Variants in POLR2B observed in about 807,000 individuals in gnomAD.
POLR2B encodes the protein DNA-directed RNA polymerase II subunit RPB2.
A neutral mutation model predicts 144.6 loss-of-function variants in POLR2B; 57 were observed. That is an observed-to-expected ratio of 0.39 (90% confidence interval 0.32 to 0.49). The LOEUF (loss-of-function observed/expected upper bound fraction) is 0.49, where lower values mean the gene tolerates loss of function less well. Among genes scored for constraint, POLR2B ranks in the 20% least tolerant of loss-of-function variants. The pLI, the probability that POLR2B is intolerant of heterozygous loss-of-function variation, is 0.83. For synonymous variants in POLR2B, 442 were observed against 469.8 expected (o/e 0.94, Z 0.77); for missense variants, 595 against 1,467.4 (o/e 0.41, Z 9.71).
At chr4:57,029,722 C>CT (rs2109728907) in intron 23 of POLR2B, among the ~76,000 whole-genome samples, 1 of 152,148 alleles carries the variant, frequency 6.6e-6, no homozygotes, top group East Asian at 1.9e-4. Flanking sequence ...TTTAGATTGT[C>CT]TTTTTCATTA....
At chr4:56,987,736 G>A (rs1299996016) in intron 2 of POLR2B, among the ~76,000 whole-genome samples, 1 of 152,098 alleles carries the variant, frequency 6.6e-6, no homozygotes, top group Admixed American at 6.6e-5. Flanking sequence ...ACAAAAATTA[G>A]ATGGGTGTGG....
intron 17 of POLR2B, among the ~76,000 whole-genome samples, chr4:57,021,757 C>G: frequency 6.6e-6 from 1 of 152,260 alleles, no homozygotes; most frequent in Middle Eastern, 3.4e-3. Flanking sequence ...ATCTCGGCTT[C>G]CCAAAGTGCT....
At position 57,025,391 on chromosome 4, in the gene POLR2B, G is replaced by T; in HGVS notation, c.3093G>T (p.Gly1031=). The change falls in exon 23 of 25, where the codon GGG becomes GGT. Residue 1031 remains glycine, a synonymous_variant. Coordinates refer to ENST00000314595, the MANE Select transcript of POLR2B (RefSeq NM_000938.3). ...HLRGNEVLYN[G]FTGRKITSQI... is the part of the protein sequence containing the mutation. ...GTTTGTTGCAGGTCCTGTACAATGG[G>T]TTCACTGGTCGAAAAATCACATCAC... The T allele has an allele frequency of 6.2e-7, 1 of 1,613,334 alleles. No individual in the cohort carries two copies. The highest frequency in any genetic ancestry group is 1.7e-4 in the Middle Eastern group (1 of 6,058).
Position 56,999,720 on chromosome 4 carries a change from C to A in POLR2B, c.839C>A (p.Ser280Tyr). The change falls in exon 7 of 25, where the codon TCC becomes TAC. Residue 280 changes from serine (S) to tyrosine (Y), a missense_variant. Coordinates refer to ENST00000314595, the MANE Select transcript of POLR2B (RefSeq NM_000938.3). Reference protein sequence around the residue: ...IIVFRALGFVSDRDILEHIIY... With the variant: ...IIVFRALGFVYDRDILEHIIY... ...GTGTTCAGAGCATTAGGTTTTGTGT[C>A]CGACAGAGATATTTTAGAACATATT... is the stretch of plus-strand genomic sequence containing the variant. 1 of 1,610,988 alleles carries A rather than the reference C, an allele frequency of 6.2e-7. No homozygotes were observed. Among genetic ancestry groups the A allele is most frequent in the South Asian group, 1.1e-5 (1 of 90,982 alleles).
intron 6 of POLR2B, among the ~76,000 whole-genome samples, chr4:56,997,070 G>A (rs1269982029): frequency 6.6e-6 from 1 of 152,048 alleles, no homozygotes; most frequent in Non-Finnish European, 1.5e-5. Flanking sequence ...ACCAGCGTGG[G>A]TGACAGAGCC....
At chr4:57,014,302 C>G (rs1225915552) in intron 13 of POLR2B, among the ~76,000 whole-genome samples, 1 of 151,108 alleles carries the variant, frequency 6.6e-6, no homozygotes, top group Non-Finnish European at 1.5e-5. Flanking sequence ...TCAAGTGATT[C>G]TTTACCTCAG....
In POLR2B at chr4:57,017,058, G is replaced by T. The variant is rs766256084; in HGVS notation, c.1971G>T (p.Val657=). 3 of 1,586,356 alleles carry T rather than the reference G, an allele frequency of 1.9e-6. No individual in the cohort carries two copies. ...TCTTTTTTAGTTGGCAGGATCTTGT[G>T]GCCAGTGGGGTAGTGGAGTATATTG... ...EYNNYSWQDL[V]ASGVVEYIDT... Residue 657 remains valine, a synonymous_variant, in exon 15 of 25, where the codon GTG becomes GTT. Coordinates refer to ENST00000314595, the MANE Select transcript of POLR2B (RefSeq NM_000938.3). The surrounding 1 kb of genome is among the most constrained non-coding windows in gnomAD (Gnocchi z 4.8).
At chr4:56,996,276 A>ATTTTTTTTTT (rs1560474600) in intron 6 of POLR2B, among the ~76,000 whole-genome samples, 1 of 85,576 alleles carries the variant, frequency 1.2e-5, no homozygotes, top group African/African-American at 4.4e-5. Context: ...ATATATATAT[A>ATTTTTTTTTT]TATTTTTTTT....
chr4:57,016,363 A>G (rs1723364873), intron 14 of POLR2B, among the ~76,000 whole-genome samples: 1 of 151,946 alleles, frequency 6.6e-6, no homozygotes, highest in South Asian at 2.1e-4. Flanking sequence ...TCTGGGCAAC[A>G]TATTGAGACT....
chr4:57,025,305 AAT>A, intron 22 of POLR2B, 70 bp from the exon 23 acceptor site: 1 of 1,055,978 alleles, frequency 9.5e-7, no homozygotes, highest in Non-Finnish European at 1.5e-6. Context: ...GGAGTAACAC[AAT>A]ATATACACAT....
intron 22 of POLR2B, 72 bp from the exon 23 acceptor site, chr4:57,025,305 A>T: frequency 9.5e-7 from 1 of 1,055,978 alleles, no homozygotes; most frequent in Non-Finnish European, 1.5e-6. Flanking sequence ...GGAGTAACAC[A>T]ATATATACAC....
chr4:57,022,371 T>C lies in POLR2B; in HGVS notation c.2515+125T>C, dbSNP rs566748206. The C allele has an allele frequency of 1.8e-4, 113 of 630,584 alleles. 1 individual carries two copies. The South Asian group carries it at 2.2e-3, about 12-fold the overall frequency. 39.1% of individuals were successfully genotyped at this position (630,584 alleles called of 1,614,324 possible). ...TCCTCCTCTCCCTTTTTTTGTGCAATGAAAGTGTGTTTTCATGTTATTCTT... is the reference window on the plus strand; with the variant it reads ...TCCTCCTCTCCCTTTTTTTGTGCAACGAAAGTGTGTTTTCATGTTATTCTT... On this transcript the variant is annotated intron_variant, in intron 18 of 24. Transcript: ENST00000314595.
chr4:56,986,741 C>T (rs572717166), intron 2 of POLR2B: 14 of 183,658 alleles, frequency 7.6e-5, no homozygotes, highest in South Asian at 4.4e-4. Context: ...TTACAGTGAG[C>T]GAAGGTCGCA....
intron 1 of POLR2B, among the ~76,000 whole-genome samples, chr4:56,981,425 A>C (rs1160430836): frequency 6.6e-6 from 1 of 152,216 alleles, no homozygotes; most frequent in Non-Finnish European, 1.5e-5. Context: ...ATACATTTCT[A>C]CATATAAAAT....
chr4:56,996,278 A>ATATTTT (rs1488404814), intron 6 of POLR2B, among the ~76,000 whole-genome samples: 39 of 59,742 alleles, frequency 6.5e-4, no homozygotes, highest in Non-Finnish European at 1.2e-3. Context: ...ATATATATAT[A>ATATTTT]TTTTTTTTTT....
At chr4:56,986,794 C>CAA (rs34549456) in intron 2 of POLR2B, 8 of 140,010 alleles carry the variant, frequency 5.7e-5, no homozygotes, top group Non-Finnish European at 1.1e-4. Context: ...ACCCTGTTTC[C>CAA]AAAAAAAAAA....
chr4:56,986,372 A>T lies in POLR2B; in HGVS notation c.38A>T (p.Asp13Val), dbSNP rs1222718429. 6.2e-7 allele frequency: 1 copy of T among 1,610,414 alleles called. No individual in the cohort carries two copies. Among genetic ancestry groups the T allele is most frequent in the Non-Finnish European group, 8.5e-7 (1 of 1,176,836 alleles). Residue 13 changes from aspartate (D) to valine (V), a missense_variant, in exon 2 of 25, where the codon GAT becomes GTT. This residue lies in a region of POLR2B where 25 missense variants were observed against 26.1 expected (regional missense o/e 0.96). Transcript: ENST00000314595. ...TTTACAGATATGCAATATGATGAGG[A>T]TGATGATGAAATCACCCCGGATTTG... is the stretch of plus-strand genomic sequence containing the variant. ...DADEDMQYDE[D>V]DDEITPDLWQ...
chr4:57,016,758 T>C (rs1320858345), intron 14 of POLR2B, among the ~76,000 whole-genome samples: 2 of 149,950 alleles, frequency 1.3e-5, no homozygotes, highest in South Asian at 2.1e-4. Flanking sequence ...AAAATTGCCC[T>C]CCAATGTATA....
intron 6 of POLR2B, among the ~76,000 whole-genome samples, chr4:56,996,025 A>G (rs1189154681): frequency 6.6e-6 from 1 of 152,112 alleles, no homozygotes; most frequent in African/African-American, 2.4e-5. Context: ...AGGAGGCAGG[A>G]ATCATTGGGT....
Sources: gnomAD v4.1 joint callset for allele counts (sites outside exome capture counted in the v4.1 genomes callset) on GRCh38, gnomAD v4.1.1 for gene constraint, gnomAD v4.1.1 regional missense constraint, Gnocchi (gnomAD v3.1) non-coding constraint, MANE v1.5 for transcripts, NCBI Gene and HGNC (gene_info 2026-07-23, HGNC 2026-07-21) for gene names.